FOXP2: variants seen among roughly 807,000 people sequenced by gnomAD.
FOXP2 encodes forkhead box P2.
Under a neutral mutation model 115.8 loss-of-function variants are expected in FOXP2, and 12 were observed. The ratio of observed to expected loss-of-function variants is 0.10; its 90% CI spans 0.07 to 0.17. The LOEUF is 0.17. FOXP2 is among the 10% of genes least tolerant of loss of function. The pLI is 1.00. For synonymous variants in FOXP2, 328 were observed against 297.7 expected (o/e 1.10, Z -1.05); for missense variants, 629 against 843.5 (o/e 0.75, Z 3.15).
intron 2 of FOXP2, among the ~76,000 whole-genome samples, chr7:114,481,808 C>A (rs201287220): frequency 1.3e-4 from 18 of 142,338 alleles, no homozygotes; most frequent in African/African-American, 3.8e-4. Flanking sequence ...ATCTATCTAT[C>A]TATATATCTA....
intron 2 of FOXP2, among the ~76,000 whole-genome samples, chr7:114,463,412 G>A (rs1340149853): frequency 6.6e-6 from 1 of 152,226 alleles, no homozygotes; most frequent in Admixed American, 6.5e-5. Context: ...CTGAGCCCAT[G>A]AAAGTGGCCA....
At chr7:114,282,463 T>C (rs1026581626) in intron 1 of FOXP2, among the ~76,000 whole-genome samples, 2 of 152,200 alleles carry the variant, frequency 1.3e-5, no homozygotes, top group Non-Finnish European at 2.9e-5. Context: ...AATCATTGAA[T>C]TAAATTTTGA....
intron 3 of FOXP2, among the ~76,000 whole-genome samples, chr7:114,584,263 C>T (rs527443212): frequency 1.3e-5 from 2 of 152,064 alleles, no homozygotes; most frequent in South Asian, 4.2e-4. Context: ...ATCTTTTCCC[C>T]CACATTAGAA....
In FOXP2 at chr7:114,522,840, A is replaced by G. The variant is rs938496244; in HGVS notation, c.169-11777A>G. ...TTTCTTAATGGCTAGAATAGAAAAC[A>G]GATTTCTCCCTCAGGTGAGTTTGCC... On this transcript the variant is annotated intron_variant, in intron 2 of 16. Transcript: ENST00000350908. 3.0e-4 allele frequency among the ~76,000 whole-genome samples: 45 copies of G among 152,242 alleles called. 1 individual carries two copies. Among genetic ancestry groups the G allele is most frequent in the Admixed American group, 2.7e-3 (41 of 15,278 alleles).
intron 2 of FOXP2, among the ~76,000 whole-genome samples, chr7:114,365,459 T>C (rs1482877506): frequency 6.6e-6 from 1 of 152,136 alleles, no homozygotes; most frequent in Admixed American, 6.6e-5. Context: ...AAAATATAAA[T>C]GTTAAAACTG....
chr7:114,212,151 T>G (rs1794374127), intron 1 of FOXP2, among the ~76,000 whole-genome samples: 1 of 150,736 alleles, frequency 6.6e-6, no homozygotes, highest in Non-Finnish European at 1.5e-5. Flanking sequence ...TGTTTCCTTC[T>G]GCAAAGTATT....
At chr7:114,489,501 C>T (rs1036134756) in intron 2 of FOXP2, among the ~76,000 whole-genome samples, 7 of 151,798 alleles carry the variant, frequency 4.6e-5, no homozygotes, top group African/African-American at 1.7e-4. Context: ...TTTCTCTTTT[C>T]CTCCTTTCCA....
intron 2 of FOXP2, among the ~76,000 whole-genome samples, chr7:114,403,986 C>G (rs1182361526): frequency 6.6e-6 from 1 of 152,108 alleles, no homozygotes; most frequent in African/African-American, 2.4e-5. Flanking sequence ...CTTCTGCCCT[C>G]CTAAAGAAGG....
chr7:114,375,743 C>G (rs1394609608), intron 2 of FOXP2, among the ~76,000 whole-genome samples: 1 of 152,162 alleles, frequency 6.6e-6, no homozygotes, highest in Non-Finnish European at 1.5e-5. Context: ...GATCTCTCAT[C>G]TTTAGATAGT....
chr7:114,088,935 A>G (rs947807454), intron 1 of FOXP2, among the ~76,000 whole-genome samples: 1 of 152,200 alleles, frequency 6.6e-6, no homozygotes, highest in African/African-American at 2.4e-5. Flanking sequence ...GAGCTTTTTT[A>G]ACTTACAATT....
intron 1 of FOXP2, among the ~76,000 whole-genome samples, chr7:114,274,200 C>G (rs1375746727): frequency 6.6e-6 from 1 of 151,902 alleles, no homozygotes; most frequent in Admixed American, 6.6e-5. Context: ...CTTATGAAAA[C>G]AATTGTAATT....
At chr7:114,685,987 A>T (rs1808341571) in intron 16 of FOXP2, among the ~76,000 whole-genome samples, 1 of 152,014 alleles carries the variant, frequency 6.6e-6, no homozygotes, top group South Asian at 2.1e-4. Context: ...TTTTTAAAAA[A>T]AAAGCCAAAA....
chr7:114,158,186 G>A (rs1034786298), upstream of FOXP2, among the ~76,000 whole-genome samples: 1 of 151,984 alleles, frequency 6.6e-6, no homozygotes, highest in African/African-American at 2.4e-5. Context: ...TAAGTGTGTT[G>A]TATAGCAAAA....
intron 2 of FOXP2, among the ~76,000 whole-genome samples, chr7:114,527,764 C>A (rs1334880586): frequency 1.3e-5 from 2 of 152,112 alleles, no homozygotes; most frequent in Non-Finnish European, 2.9e-5. Context: ...TTTTGACTTA[C>A]AATTTTGGAG....
chr7:114,550,562 C>A (rs1381295050), intron 3 of FOXP2, among the ~76,000 whole-genome samples: 4 of 152,156 alleles, frequency 2.6e-5, no homozygotes, highest in Admixed American at 2.6e-4. Flanking sequence ...CTCCATATTG[C>A]AACCCCTTTG....
intron 1 of FOXP2, among the ~76,000 whole-genome samples, chr7:114,240,336 G>T (rs1795120089): frequency 6.6e-6 from 1 of 151,804 alleles, no homozygotes; most frequent in African/African-American, 2.4e-5. Context: ...TTCATATTTT[G>T]CTGTATTTAT....
At chr7:114,360,586 A>C (rs1214774702) in intron 2 of FOXP2, among the ~76,000 whole-genome samples, 1 of 152,150 alleles carries the variant, frequency 6.6e-6, no homozygotes, top group Non-Finnish European at 1.5e-5. Flanking sequence ...TGTGAAACTA[A>C]GGTTCCCTCT....
chr7:114,642,526 T>G lies in FOXP2; in HGVS notation c.892T>G (p.Ser298Ala), dbSNP rs138374374. 66 of 1,613,716 alleles carry G rather than the reference T, an allele frequency of 4.1e-5. No individual in the cohort carries two copies. Among genetic ancestry groups the G allele is most frequent in the Middle Eastern group, 1.6e-4 (1 of 6,080 alleles). ...AGACCTCACTACTAACAATTCCTCC[T>G]CGACTACCTCCTCCAACACTTCCAA... The part of the protein sequence containing the change: ...GLDLTTNNSS[S>A]TTSSNTSKAS... Residue 298 changes from serine to alanine, a missense_variant, in exon 7 of 17, where the codon TCG becomes GCG. Physicochemically the swap from Ser to Ala is moderately conservative, Grantham distance 99. Transcript: ENST00000350908.
chr7:114,575,971 G>A (rs112874751), intron 3 of FOXP2, among the ~76,000 whole-genome samples: 22 of 151,880 alleles, frequency 1.4e-4, no homozygotes, highest in African/African-American at 5.1e-4. Context: ...AAGATGTGTG[G>A]TGTACACTTG....
Sources: allele counts gnomAD v4.1 joint callset (sites outside exome capture counted in the v4.1 genomes callset), GRCh38; gene constraint gnomAD v4.1.1; transcripts MANE v1.5; gene names NCBI Gene and HGNC (gene_info 2026-07-23, HGNC 2026-07-21).